The following CDC7 variants were observed in gnomAD, a reference collection of about 807,000 sequenced individuals.
CDC7 encodes cell division cycle 7.
CDC7 carries 34 observed loss-of-function variants against 53.5 expected under a neutral mutation model. The ratio of observed to expected loss-of-function variants is 0.64; its 90% CI spans 0.48 to 0.85. CDC7 has a LOEUF of 0.85. Ranked by LOEUF, CDC7 falls within the 40% of genes least tolerant of loss-of-function variation. The pLI is 0.00. For missense variants in CDC7, 594 were observed against 679.7 expected (o/e 0.87, Z 1.40); for synonymous variants, 211 against 222.8 (o/e 0.95, Z 0.47).
At chr1:91,512,743 T>A (rs1297895952) in intron 6 of CDC7, among the ~76,000 whole-genome samples, 1 of 152,152 alleles carries the variant, frequency 6.6e-6, no homozygotes, top group Non-Finnish European at 1.5e-5. Context: ...TTATCTGCTA[T>A]GATGCCATCT....
At chr1:91,518,857 C>T (rs371360617) in intron 10 of CDC7, among the ~76,000 whole-genome samples, 1 of 151,904 alleles carries the variant, frequency 6.6e-6, no homozygotes, top group Admixed American at 6.6e-5. Flanking sequence ...CTCAGGCACT[C>T]GAGACCAGCT....
chr1:91,515,704 A>G, intron 9 of CDC7, 90 bp from the exon 10 acceptor site: 1 of 1,515,862 alleles, frequency 6.6e-7, no homozygotes, highest in South Asian at 1.2e-5. Flanking sequence ...TCAAGGCAAA[A>G]TTTACTGTGA....
intron 2 of CDC7, among the ~76,000 whole-genome samples, chr1:91,504,899 T>G (rs1021758548): frequency 4.6e-5 from 7 of 152,154 alleles, no homozygotes; most frequent in African/African-American, 1.7e-4. Flanking sequence ...TAGGGATAAA[T>G]CAAACCATAA....
At chr1:91,501,870 T>G in intron 2 of CDC7, 39 bp downstream of exon 2, 1 of 1,399,956 alleles carries the variant, frequency 7.1e-7, no homozygotes, top group Non-Finnish European at 1.0e-6. Flanking sequence ...TTATAAAGAT[T>G]TTTCAGGCAA....
chr1:91,524,004 T>C, intron 11 of CDC7, 37 bp from the exon 12 acceptor site: 5 of 1,514,316 alleles, frequency 3.3e-6, no homozygotes, highest in Non-Finnish European at 4.5e-6. Context: ...AATAAAATGT[T>C]TTTTTCTGTT....
At chr1:91,504,105 CT>C (rs1216657728) in intron 2 of CDC7, among the ~76,000 whole-genome samples, 2,649 of 134,926 alleles carry the variant, frequency 0.02, 25 homozygotes, top group African/African-American at 0.047. Flanking sequence ...TTTTGGCAAG[CT>C]TTTTTTTTTT....
At position 91,511,989 on chromosome 1, in the gene CDC7, T is replaced by C. The variant is rs544964282; in HGVS notation, c.572+66T>C. The C allele has an allele frequency of 8.5e-6, 10 of 1,173,204 alleles. No individual in the cohort carries two copies. The African/African-American group carries it at 1.2e-4, about 15-fold the overall frequency. 72.7% of individuals were successfully genotyped at this position (1,173,204 alleles called of 1,614,324 possible). On this transcript the variant is annotated intron_variant, in intron 6 of 11. Transcript: ENST00000234626. ...TTTTAAAAAACAATTTTATTGTCTA[T>C]ATTTAAGGTATTGAACATGATGTTA...
At chr1:91,519,256 C>CA (rs71087957) in intron 10 of CDC7, among the ~76,000 whole-genome samples, 788 of 60,180 alleles carry the variant, frequency 0.013, 18 homozygotes, top group African/African-American at 0.021. Flanking sequence ...ACTAAAAATA[C>CA]AAAAAAAAAA....
At chr1:91,509,160 A>T (rs1367076162) in intron 4 of CDC7, among the ~76,000 whole-genome samples, 3 of 152,004 alleles carry the variant, frequency 2.0e-5, no homozygotes, top group Non-Finnish European at 4.4e-5. Context: ...TAAATATTGG[A>T]GTTCCTCGTG....
intron 10 of CDC7, among the ~76,000 whole-genome samples, chr1:91,517,820 G>A (rs1362269290): frequency 6.6e-6 from 1 of 152,028 alleles, no homozygotes; most frequent in African/African-American, 2.4e-5. Flanking sequence ...AAGTAGGGCC[G>A]GGCACAGTGG....
At chr1:91,520,300 G>C (rs1328736357) in intron 11 of CDC7, 21 bp downstream of exon 11, 4 of 1,510,736 alleles carry the variant, frequency 2.6e-6, no homozygotes, top group Non-Finnish European at 3.5e-6. Flanking sequence ...TTGTATTATA[G>C]AACCAAACAA....
chr1:91,515,859 GC>G lies in CDC7; in HGVS notation c.1167del (p.Asn390IlefsTer32), dbSNP rs946080137. 4 of 1,613,424 alleles carry G rather than the reference GC, an allele frequency of 2.5e-6. No homozygotes were observed. In the African/African-American group the frequency reaches 5.3e-5, roughly 22 times the overall value. On this transcript the variant is annotated frameshift_variant, in exon 10 of 12. Coordinates refer to ENST00000234626, the MANE Select transcript of CDC7 (RefSeq NM_003503.4). LOFTEE classifies it high-confidence loss of function. ...AGAGCACCAGAGGTCTTGACAAAGT[GC>G]CCCAATCAAACTACAGGTATGTTGT... ...GFRAPEVLTK[C>X]PNQTTAIDMW...
Position 91,501,663 on chromosome 1 carries a change from TCC to T in CDC7, c.-50_-49del. 8.1e-7 allele frequency: 1 copy of T among 1,241,652 alleles called. No homozygotes were observed. The highest frequency in any genetic ancestry group is 1.2e-6 in the Non-Finnish European group (1 of 850,028). The allele number at this position is 1,241,652 out of a possible 1,614,324, so 76.9% of individuals were successfully genotyped here. ...GTTCTAATTTTCACAGCTGCTTTGC[TCC>T]CCCTGTGGATGTAACCCCTTAGCTG... is the stretch of plus-strand genomic sequence containing the variant. On this transcript the variant is annotated 5_prime_UTR_variant, in exon 2 of 12. Coordinates refer to ENST00000234626, the MANE Select transcript of CDC7 (RefSeq NM_003503.4).
chr1:91,502,413 A>G (rs1389549776), intron 2 of CDC7, among the ~76,000 whole-genome samples: 1 of 152,140 alleles, frequency 6.6e-6, no homozygotes, highest in East Asian at 1.9e-4. Flanking sequence ...TTAATAATAA[A>G]TATTTGTTAA....
intron 11 of CDC7, among the ~76,000 whole-genome samples, chr1:91,522,568 T>G (rs1279489681): frequency 6.6e-6 from 1 of 152,120 alleles, no homozygotes; most frequent in African/African-American, 2.4e-5. Context: ...CTCTTTTTGG[T>G]CATATAAAAA....
At chr1:91,501,607 T>G in intron 1 of CDC7, 47 bp from the exon 2 acceptor site, 1 of 791,220 alleles carries the variant, frequency 1.3e-6, no homozygotes, top group Non-Finnish European at 2.2e-6. Flanking sequence ...TTTTAGTGCG[T>G]GGTTTAGCGA....
intron 6 of CDC7, 107 bp from the exon 7 acceptor site, chr1:91,512,951 G>T: frequency 9.9e-6 from 9 of 913,544 alleles, no homozygotes; most frequent in East Asian, 5.1e-5. Context: ...ATTCCTAATT[G>T]ATCCCAAAAA....
chr1:91,508,218 T>G (rs559655255), intron 3 of CDC7, 44 bp from the exon 4 acceptor site: 1 of 1,512,948 alleles, frequency 6.6e-7, no homozygotes, highest in South Asian at 1.3e-5. Context: ...TCATTAACAT[T>G]TTTAAAAACC....
At chr1:91,521,386 A>C (rs1392798210) in intron 11 of CDC7, among the ~76,000 whole-genome samples, 1 of 152,228 alleles carries the variant, frequency 6.6e-6, no homozygotes, top group Non-Finnish European at 1.5e-5. Context: ...GCTATAGTCT[A>C]ATCTACAAGA....
Sources: allele counts gnomAD v4.1 joint callset (sites outside exome capture counted in the v4.1 genomes callset), GRCh38; gene constraint gnomAD v4.1.1; transcripts MANE v1.5; gene names NCBI Gene and HGNC (gene_info 2026-07-23, HGNC 2026-07-21).